Variants in ADARB2 observed in about 807,000 individuals in gnomAD.
ADARB2 encodes adenosine deaminase RNA specific B2 (inactive), also known as inactive double-stranded RNA-specific editase B2.
ADARB2 carries 25 observed loss-of-function variants against 62.2 expected under a neutral mutation model. The observed-to-expected ratio is 0.40, with a 90% CI of 0.29 to 0.56. The LOEUF is 0.56. Among genes scored for constraint, ADARB2 ranks in the 20% least tolerant of loss-of-function variants. The probability of loss-of-function intolerance (pLI) is 0.43; values close to 1 mark genes in which losing one functional copy is unlikely to be tolerated. For synonymous variants in ADARB2, 572 were observed against 500.8 expected (o/e 1.14, Z -1.90); for missense variants, 1,071 against 1,077.4 (o/e 0.99, Z 0.08).
chr10:1,669,017 C>T (rs1223673089), intron 1 of ADARB2, among the ~76,000 whole-genome samples: 2 of 152,194 alleles, frequency 1.3e-5, no homozygotes, highest in Non-Finnish European at 2.9e-5. Flanking sequence ...CTCCCCTTGG[C>T]CCCTGGGGCT....
At chr10:1,211,340 G>A (rs571919074) in intron 7 of ADARB2, among the ~76,000 whole-genome samples, 1 of 151,390 alleles carries the variant, frequency 6.6e-6, no homozygotes, top group Non-Finnish European at 1.5e-5. Context: ...ATTGTTCTAT[G>A]TATGCCTGCT....
In ADARB2 at chr10:1,578,109, G is replaced by A. The variant is rs987711783; in HGVS notation, c.100+158942C>T. 6.6e-5 allele frequency among the ~76,000 whole-genome samples: 10 copies of A among 152,126 alleles called. 1 individual carries two copies. In the South Asian group the frequency reaches 1.0e-3, roughly 16 times the overall value. ...TTCAGCAGACCCAGCAAAGCAAGGC[G>A]GTGTGTGCTGTATATCATTTATACC... On this transcript the variant is annotated intron_variant, in intron 1 of 9. Transcript: ENST00000381312.
intron 1 of ADARB2, among the ~76,000 whole-genome samples, chr10:1,461,166 C>A (rs1426234203): frequency 1.3e-5 from 2 of 152,216 alleles, no homozygotes; most frequent in Non-Finnish European, 2.9e-5. Flanking sequence ...CAACGTGACA[C>A]TTCGAACCTC....
At chr10:1,362,125 A>T (rs1365645204) in intron 3 of ADARB2, among the ~76,000 whole-genome samples, 2 of 152,254 alleles carry the variant, frequency 1.3e-5, no homozygotes, top group African/African-American at 2.4e-5. Flanking sequence ...AGGCCGGTGC[A>T]CACTGACTTC....
At chr10:1,338,906 T>C (rs1020849538) in intron 3 of ADARB2, among the ~76,000 whole-genome samples, 1 of 152,124 alleles carries the variant, frequency 6.6e-6, no homozygotes, top group African/African-American at 2.4e-5. Context: ...TTTGTCTCAT[T>C]CCCAGCAGCT....
intron 1 of ADARB2, among the ~76,000 whole-genome samples, chr10:1,576,147 T>TCACAGGAGGGGGC (rs1564335643): frequency 0.011 from 455 of 41,100 alleles, 1 homozygote; most frequent in Middle Eastern, 0.062. Flanking sequence ...AAGAGGGGGG[T>TCACAGGAGGGGGC]CCACGGTCAC....
chr10:1,702,498 T>A lies in ADARB2; in HGVS notation c.100+34553A>T, dbSNP rs116236534. Among the ~76,000 whole-genome samples, 507 of 152,352 alleles carry A rather than the reference T, an allele frequency of 3.3e-3. 1 individual carries two copies. The highest frequency in any genetic ancestry group is 0.011 in the African/African-American group (465 of 41,586). ...GGGCAGGTAGGGAATCCCGAAAATC[T>A]GGGGATTTTCCTCCATGTCCATCAC... On this transcript the variant is annotated intron_variant, in intron 1 of 9. Transcript: ENST00000381312.
At chr10:1,510,120 CTTTCTTTCTTTCTTTCTT>C (rs1564312539) in intron 1 of ADARB2, among the ~76,000 whole-genome samples, 52 of 113,258 alleles carry the variant, frequency 4.6e-4, no homozygotes, top group African/African-American at 1.7e-3. Flanking sequence ...CTCTTTCTTT[CTTTCTTTCTTTCTTTCTT>C]TCTTTCTTTC....
chr10:1,571,920 G>C (rs865836105), intron 1 of ADARB2, among the ~76,000 whole-genome samples: 1 of 142,470 alleles, frequency 7.0e-6, no homozygotes, highest in African/African-American at 2.6e-5. Context: ...AGGTGAGTAG[G>C]CAGGTGATAT....
chr10:1,538,631 G>C (rs545001348), intron 1 of ADARB2, among the ~76,000 whole-genome samples: 6 of 152,224 alleles, frequency 3.9e-5, no homozygotes, highest in Non-Finnish European at 8.8e-5. Flanking sequence ...CGTGGTGGAC[G>C]GGGAGCGTTC....
intron 1 of ADARB2, among the ~76,000 whole-genome samples, chr10:1,499,749 A>T (rs562070067): frequency 6.6e-6 from 1 of 151,506 alleles, no homozygotes; most frequent in African/African-American, 2.4e-5. Flanking sequence ...CTCACTCATC[A>T]CTCACTTATT....
At chr10:1,401,343 A>G (rs1400225932) in intron 1 of ADARB2, among the ~76,000 whole-genome samples, 3 of 152,178 alleles carry the variant, frequency 2.0e-5, no homozygotes, top group Non-Finnish European at 4.4e-5. Context: ...AGGGTTTTGG[A>G]ACACCCCGGC....
At chr10:1,547,075 C>A (rs909900975) in intron 1 of ADARB2, among the ~76,000 whole-genome samples, 2 of 152,262 alleles carry the variant, frequency 1.3e-5, no homozygotes, top group African/African-American at 4.8e-5. Flanking sequence ...CTTGGCTACA[C>A]AGACACAGGA....
intron 3 of ADARB2, among the ~76,000 whole-genome samples, chr10:1,340,222 C>T (rs376305143): frequency 3.8e-3 from 471 of 124,932 alleles, no homozygotes; most frequent in African/African-American, 0.013. Context: ...CGCCCCACAG[C>T]GGCAATAACC....
chr10:1,450,439 G>A (rs76607953), intron 1 of ADARB2, among the ~76,000 whole-genome samples: 5,014 of 152,284 alleles, frequency 0.033, 141 homozygotes, highest in South Asian at 0.096. Flanking sequence ...TCGTGGCTTC[G>A]GTGATGATTC....
chr10:1,508,907 C>T (rs189130926), intron 1 of ADARB2, among the ~76,000 whole-genome samples: 8 of 152,332 alleles, frequency 5.3e-5, no homozygotes, highest in East Asian at 1.9e-4. Flanking sequence ...CCAGGCTCTG[C>T]GGAGGCCTTT....
chr10:1,380,304 G>A (rs979228390), intron 1 of ADARB2, among the ~76,000 whole-genome samples: 6 of 152,246 alleles, frequency 3.9e-5, no homozygotes, highest in African/African-American at 1.2e-4. Flanking sequence ...TAAGTTCCAG[G>A]GCACTGGCTG....
intron 1 of ADARB2, among the ~76,000 whole-genome samples, chr10:1,409,119 A>G (rs1742851258): frequency 6.6e-6 from 1 of 151,762 alleles, no homozygotes; most frequent in East Asian, 1.9e-4. Flanking sequence ...CACACCACAT[A>G]CCCCTGAAGC....
At chr10:1,372,001 C>T (rs995407247) in intron 2 of ADARB2, among the ~76,000 whole-genome samples, 5 of 152,060 alleles carry the variant, frequency 3.3e-5, no homozygotes, top group Non-Finnish European at 5.9e-5. Flanking sequence ...ATAAAAAAGA[C>T]GCCTGTACGT....
Sources: gnomAD v4.1 joint callset for allele counts (sites outside exome capture counted in the v4.1 genomes callset) on GRCh38, gnomAD v4.1.1 for gene constraint, MANE v1.5 for transcripts, NCBI Gene and HGNC (gene_info 2026-07-23, HGNC 2026-07-21) for gene names.